B3GAT2: variants seen among roughly 807,000 people sequenced by gnomAD.
B3GAT2 encodes the protein galactosylgalactosylxylosylprotein 3-beta-glucuronosyltransferase 2.
A neutral mutation model predicts 27.8 loss-of-function variants in B3GAT2; 26 were observed. The ratio of observed to expected loss-of-function variants is 0.93; its 90% CI spans 0.68 to 1.30. B3GAT2 has a LOEUF of 1.30. B3GAT2 is among the 50% of genes most tolerant of loss of function. B3GAT2 has a pLI of 0.00. For synonymous variants in B3GAT2, 218 were observed against 195.1 expected (o/e 1.12, Z -0.98); for missense variants, 458 against 459.0 (o/e 1.00, Z 0.02).
At chr6:70,954,921 G>GGT in intron 1 of B3GAT2, among the ~76,000 whole-genome samples, 1 of 151,584 alleles carries the variant, frequency 6.6e-6, no homozygotes, top group Non-Finnish European at 1.5e-5. Context: ...GCGGCGGGGG[G>GGT]GGGCGGTGCG....
chr6:70,928,316 G>A (rs184719648), intron 1 of B3GAT2, among the ~76,000 whole-genome samples: 44 of 150,682 alleles, frequency 2.9e-4, no homozygotes, highest in African/African-American at 1.0e-3. Flanking sequence ...CTAGCAGAAC[G>A]CAAGAAATAA....
At chr6:70,884,109 A>C (rs901470964) in intron 2 of B3GAT2, among the ~76,000 whole-genome samples, 18 of 143,374 alleles carry the variant, frequency 1.3e-4, no homozygotes, top group African/African-American at 1.9e-4. Context: ...AAAAAAAAAA[A>C]AAAACAAAAA....
Position 70,860,097 on chromosome 6 carries a change from C to T in B3GAT2, c.*1566G>A, listed in dbSNP as rs1002143622. 6.5e-5 allele frequency: 85 copies of T among 1,304,376 alleles called. No individual in the cohort carries two copies. The highest frequency in any genetic ancestry group is 8.4e-5 in the Non-Finnish European group (81 of 960,478). The allele number at this position is 1,304,376 out of a possible 1,614,324, so 80.8% of individuals were successfully genotyped here. A position where few individuals can be genotyped will look rare whatever the true frequency, so the allele number is the denominator to read the frequency against. On this transcript the variant is annotated 3_prime_UTR_variant, in exon 4 of 4. Transcript: ENST00000230053. ...CTCTGTTTTTATTCCAGTGCTTGGA[C>T]TAGTTGTCACATTAATGAAAAAATG...
At chr6:70,886,109 C>CCCTGTTCTG (rs1168696470) in intron 2 of B3GAT2, among the ~76,000 whole-genome samples, 1 of 152,182 alleles carries the variant, frequency 6.6e-6, no homozygotes, top group Non-Finnish European at 1.5e-5. Flanking sequence ...ATTTCATTTT[C>CCCTGTTCTG]CCTGTTCTGC....
intron 1 of B3GAT2, among the ~76,000 whole-genome samples, chr6:70,949,917 A>G (rs559726006): frequency 4.3e-4 from 65 of 152,230 alleles, no homozygotes; most frequent in African/African-American, 1.5e-3. Flanking sequence ...ACATGGATGA[A>G]ATTGGAAATC....
chr6:70,932,167 G>A (rs1773072730), intron 1 of B3GAT2, among the ~76,000 whole-genome samples: 1 of 152,158 alleles, frequency 6.6e-6, no homozygotes, highest in Non-Finnish European at 1.5e-5. Flanking sequence ...GCTAAGGTGT[G>A]GAGAAATTGT....
At position 70,916,432 on chromosome 6, in the gene B3GAT2, G is replaced by A. The variant is rs185872241; in HGVS notation, c.592-22160C>T. Among the ~76,000 whole-genome samples, 338 of 152,172 alleles carry A rather than the reference G, an allele frequency of 2.2e-3. 1 individual carries two copies. Among genetic ancestry groups the A allele is most frequent in the Non-Finnish European group, 2.7e-3 (181 of 68,004 alleles). ...TTGCCCTGGCCAGAACTTCCAACAC[G>A]ATGTTGAATAGGAGTGGTGAGAGAG... is the stretch of plus-strand genomic sequence containing the variant. On this transcript the variant is annotated intron_variant, in intron 1 of 3. Coordinates refer to ENST00000230053, the MANE Select transcript of B3GAT2 (RefSeq NM_080742.3).
chr6:70,871,592 G>C (rs1230559711), intron 2 of B3GAT2, among the ~76,000 whole-genome samples: 3 of 151,846 alleles, frequency 2.0e-5, no homozygotes, highest in Non-Finnish European at 4.4e-5. Flanking sequence ...TTTCATTCCT[G>C]ATTTTAGTAA....
intron 1 of B3GAT2, among the ~76,000 whole-genome samples, chr6:70,944,104 C>T (rs962820059): frequency 6.6e-6 from 1 of 152,138 alleles, no homozygotes; most frequent in African/African-American, 2.4e-5. Context: ...GCCACGATGG[C>T]CAAATAGGAA....
intron 2 of B3GAT2, among the ~76,000 whole-genome samples, chr6:70,893,128 C>T (rs759750107): frequency 2.0e-5 from 3 of 152,326 alleles, no homozygotes; most frequent in Admixed American, 6.5e-5. Flanking sequence ...TCCATGAGCG[C>T]TGTGCCCCTC....
chr6:70,909,994 C>T (rs1222717923), intron 1 of B3GAT2, among the ~76,000 whole-genome samples: 1 of 152,108 alleles, frequency 6.6e-6, no homozygotes, highest in East Asian at 1.9e-4. Context: ...CTGCCTCAGT[C>T]TCCCGAGTAG....
chr6:70,917,525 T>C (rs1293184270), intron 1 of B3GAT2, among the ~76,000 whole-genome samples: 1 of 152,196 alleles, frequency 6.6e-6, no homozygotes, highest in Non-Finnish European at 1.5e-5. Context: ...TTTTCTCCTG[T>C]GGACACTTAG....
chr6:70,858,004 T>C lies in B3GAT2; in HGVS notation c.*3659A>G, dbSNP rs908164996. ...AGGGCTTTCCATCGATGGGCGTGCC[T>C]GTGCCTGCAGCTCCTGGCCTTATAG... On this transcript the variant is annotated 3_prime_UTR_variant, in exon 4 of 4. Coordinates refer to ENST00000230053, the MANE Select transcript of B3GAT2 (RefSeq NM_080742.3). 3 of 1,614,170 alleles carry C rather than the reference T, an allele frequency of 1.9e-6. No homozygotes were observed. The highest frequency in any genetic ancestry group is 2.5e-6 in the Non-Finnish European group (3 of 1,180,014).
intron 2 of B3GAT2, among the ~76,000 whole-genome samples, chr6:70,876,288 T>C (rs1772012401): frequency 6.6e-6 from 1 of 152,234 alleles, no homozygotes; most frequent in Non-Finnish European, 1.5e-5. Flanking sequence ...GATTCACTAA[T>C]GAAGCTATTA....
intron 2 of B3GAT2, among the ~76,000 whole-genome samples, chr6:70,893,401 C>T (rs577329769): frequency 1.8e-3 from 258 of 140,358 alleles, no homozygotes; most frequent in Non-Finnish European, 3.2e-3. Flanking sequence ...TAGATGTCAC[C>T]GAATTTTTTT....
rs1310352382 is a variant in B3GAT2, at chr6:70,858,446, T to TA, written c.*3216dup. 2.7e-4 allele frequency: 115 copies of TA among 427,036 alleles called. No individual in the cohort carries two copies. The highest frequency in any genetic ancestry group is 1.3e-3 in the Middle Eastern group (2 of 1,552). The allele number at this position is 427,036 out of a possible 1,614,324, so 26.5% of individuals were successfully genotyped here. On this transcript the variant is annotated 3_prime_UTR_variant, in exon 4 of 4. Transcript: ENST00000230053. ...ATTATCGCTATTTTAGAGTATTCTG[T>TA]AAAAAAAAGGTTAAACATCTTTCAT... is the stretch of plus-strand genomic sequence containing the variant.
chr6:70,862,354 A>G (rs964329425), intron 2 of B3GAT2, among the ~76,000 whole-genome samples: 1 of 152,142 alleles, frequency 6.6e-6, no homozygotes, highest in Admixed American at 6.5e-5. Flanking sequence ...ACCTAACTAC[A>G]TGTGGGGTAT....
intron 1 of B3GAT2, among the ~76,000 whole-genome samples, chr6:70,906,683 T>A (rs1294384228): frequency 6.6e-6 from 1 of 152,200 alleles, no homozygotes; most frequent in Non-Finnish European, 1.5e-5. Context: ...TTTTTCCTCA[T>A]GCAAGGAAAT....
In B3GAT2 at chr6:70,956,483, C is replaced by T; in HGVS notation, c.-54G>A. The T allele has an allele frequency of 6.5e-7, 1 of 1,547,866 alleles. No homozygotes were observed. Among genetic ancestry groups the T allele is most frequent in the Non-Finnish European group, 8.7e-7 (1 of 1,146,016 alleles). ...CCCAGAGAGGGGCGAGCCGAGGGAC[C>T]CCAGTGCGCAGCTTGGACAGCGGCG... On this transcript the variant is annotated 5_prime_UTR_variant, in exon 1 of 4. Transcript: ENST00000230053.
Sources: gnomAD v4.1 joint callset for allele counts (sites outside exome capture counted in the v4.1 genomes callset) on GRCh38, gnomAD v4.1.1 for gene constraint, MANE v1.5 for transcripts, NCBI Gene and HGNC (gene_info 2026-07-23, HGNC 2026-07-21) for gene names.